The following CACNB2 variants were observed in gnomAD, a reference collection of about 807,000 sequenced individuals.
CACNB2 encodes the protein calcium voltage-gated channel auxiliary subunit beta 2.
A neutral mutation model predicts 73.3 loss-of-function variants in CACNB2; 42 were observed. The ratio of observed to expected loss-of-function variants is 0.57; its 90% confidence interval spans 0.45 to 0.74. CACNB2 has a LOEUF of 0.74. Among genes scored for constraint, CACNB2 ranks in the 30% least tolerant of loss-of-function variants. The pLI is 0.00. For synonymous variants in CACNB2, 348 were observed against 310.3 expected (o/e 1.12, Z -1.28); for missense variants, 940 against 853.0 (o/e 1.10, Z -1.27).
chr10:18,534,610 A>G (rs1359426444), intron 11 of CACNB2, among the ~76,000 whole-genome samples: 1 of 152,280 alleles, frequency 6.6e-6, no homozygotes, highest in South Asian at 2.1e-4. Context: ...ACCAGCAGTT[A>G]CTGTATTCAC....
chr10:18,484,118 G>C (rs1452747850), intron 3 of CACNB2, among the ~76,000 whole-genome samples: 1 of 152,172 alleles, frequency 6.6e-6, no homozygotes, highest in Non-Finnish European at 1.5e-5. Context: ...ACAAGGCCAG[G>C]CACAGTGGCT....
intron 2 of CACNB2, among the ~76,000 whole-genome samples, chr10:18,205,900 C>T (rs2035069286): frequency 6.6e-6 from 1 of 152,186 alleles, no homozygotes; most frequent in African/African-American, 2.4e-5. Flanking sequence ...AGGGTTCCAT[C>T]TGTTGATGCT....
chr10:18,191,102 G>A (rs1691841568), intron 2 of CACNB2, among the ~76,000 whole-genome samples: 1 of 152,038 alleles, frequency 6.6e-6, no homozygotes, highest in South Asian at 2.1e-4. Context: ...TGGAGGAGAA[G>A]GAAAATAAAT....
chr10:18,470,709 A>G (rs1185575544), intron 3 of CACNB2, among the ~76,000 whole-genome samples: 2 of 152,022 alleles, frequency 1.3e-5, no homozygotes, highest in Non-Finnish European at 2.9e-5. Context: ...TTGATTTTTC[A>G]CAAGCACTTA....
intron 2 of CACNB2, among the ~76,000 whole-genome samples, chr10:18,258,191 G>A (rs2037365391): frequency 1.3e-5 from 2 of 152,228 alleles, no homozygotes; most frequent in African/African-American, 4.8e-5. Context: ...GAATCCTTTT[G>A]TGGATTCTTG....
chr10:18,170,305 G>A (rs1041453559), intron 2 of CACNB2, among the ~76,000 whole-genome samples: 4 of 152,204 alleles, frequency 2.6e-5, no homozygotes, highest in East Asian at 3.8e-4. Context: ...ATGAATGAAT[G>A]AAGTTGACCT....
chr10:18,361,451 A>G (rs1274686075), intron 2 of CACNB2, among the ~76,000 whole-genome samples: 1 of 150,462 alleles, frequency 6.6e-6, no homozygotes, highest in Non-Finnish European at 1.5e-5. Context: ...GTGAGCCAAG[A>G]TCGCACCACT....
At chr10:18,508,235 C>G (rs543574084) in intron 6 of CACNB2, among the ~76,000 whole-genome samples, 7 of 152,312 alleles carry the variant, frequency 4.6e-5, no homozygotes, top group African/African-American at 1.4e-4. Context: ...ATTTCAAAAA[C>G]TATCTACTTA....
Position 18,524,635 on chromosome 10 carries a change from A to T in CACNB2, c.945-2953A>T, listed in dbSNP as rs767195407. On this transcript the variant is annotated intron_variant, in intron 9 of 13. Transcript: ENST00000324631. ...ACACCATTGCATTCTAGCCTGGGTGACAGAGCAAGACTCTATCTTAAAAAA... is the reference window on the plus strand; with the variant it reads ...ACACCATTGCATTCTAGCCTGGGTGTCAGAGCAAGACTCTATCTTAAAAAA... Among the ~76,000 whole-genome samples, 6 of 145,118 alleles carry T rather than the reference A, an allele frequency of 4.1e-5. No individual in the cohort carries two copies. In the Admixed American group the frequency reaches 4.2e-4, roughly 10 times the overall value.
intron 3 of CACNB2, among the ~76,000 whole-genome samples, chr10:18,478,368 C>G (rs1053411982): frequency 2.6e-5 from 4 of 152,264 alleles, no homozygotes; most frequent in African/African-American, 9.6e-5. Flanking sequence ...TTTCATTTTC[C>G]CTTAAGAATT....
intron 3 of CACNB2, among the ~76,000 whole-genome samples, chr10:18,431,663 A>G (rs2045894659): frequency 6.6e-6 from 1 of 152,192 alleles, no homozygotes; most frequent in African/African-American, 2.4e-5. Context: ...GTTAACGGAG[A>G]TGAAATTACA....
intron 3 of CACNB2, among the ~76,000 whole-genome samples, chr10:18,490,078 A>G (rs577579404): frequency 4.6e-5 from 7 of 152,208 alleles, no homozygotes; most frequent in African/African-American, 1.4e-4. Context: ...GAGTTTCACC[A>G]TGTTGCCCTG....
At chr10:18,168,515 G>A (rs2033019645) in intron 2 of CACNB2, among the ~76,000 whole-genome samples, 1 of 151,976 alleles carries the variant, frequency 6.6e-6, no homozygotes, top group Non-Finnish European at 1.5e-5. Context: ...GTGTGTGTGT[G>A]TGTGAGTGTG....
intron 2 of CACNB2, among the ~76,000 whole-genome samples, chr10:18,178,003 A>G (rs979051347): frequency 2.0e-5 from 3 of 152,206 alleles, no homozygotes; most frequent in African/African-American, 7.2e-5. Flanking sequence ...CCACTGGCAC[A>G]GTGACCATCC....
At position 18,534,129 on chromosome 10, in the gene CACNB2, TTGG is replaced by T. The variant is rs2053329036; in HGVS notation, c.1113_1115del (p.Val372del). 6.2e-7 allele frequency: 1 copy of T among 1,613,802 alleles called. No homozygotes were observed. Among genetic ancestry groups the T allele is most frequent in the Non-Finnish European group, 8.5e-7 (1 of 1,179,802 alleles). ...TTTTGAACTTGCAAGAACATTGCAG[TTGG>T]TGGTCCTTGACGCGGATACAATTAA... is the stretch of plus-strand genomic sequence containing the variant. On this transcript the variant is annotated inframe_deletion, in exon 11 of 14. Transcript: ENST00000324631.
At chr10:18,268,655 G>A (rs1201370161) in intron 2 of CACNB2, among the ~76,000 whole-genome samples, 1 of 152,176 alleles carries the variant, frequency 6.6e-6, no homozygotes, top group Non-Finnish European at 1.5e-5. Context: ...TAGAGGAACA[G>A]GCAGGATTTT....
chr10:18,288,582 C>G (rs1294274297), intron 2 of CACNB2, among the ~76,000 whole-genome samples: 1 of 151,712 alleles, frequency 6.6e-6, no homozygotes, highest in Non-Finnish European at 1.5e-5. Context: ...AATTAGTCAA[C>G]CACAATTATT....
chr10:18,486,141 A>G (rs2049049790), intron 3 of CACNB2, among the ~76,000 whole-genome samples: 1 of 152,160 alleles, frequency 6.6e-6, no homozygotes, highest in African/African-American at 2.4e-5. Context: ...CTAAGTAACT[A>G]TATTAATCAT....
At chr10:18,238,636 A>C (rs1410716823) in intron 2 of CACNB2, 1 of 152,236 alleles carries the variant, frequency 6.6e-6, no homozygotes. Context: ...AACATGAATG[A>C]GTTGACTGCC....
Sources: allele counts gnomAD v4.1 joint callset (sites outside exome capture counted in the v4.1 genomes callset), GRCh38; gene constraint gnomAD v4.1.1; transcripts MANE v1.5; gene names NCBI Gene and HGNC (gene_info 2026-07-23, HGNC 2026-07-21).